Variants in TCERG1L observed in about 807,000 individuals in gnomAD.
TCERG1L encodes transcription elongation regulator 1 like.
In TCERG1L, 37 loss-of-function variants were observed where a neutral mutation model predicts 56.3. That is an observed-to-expected ratio of 0.66 (90% CI 0.51 to 0.87). The LOEUF (loss-of-function observed/expected upper bound fraction) is 0.87. Ranked by LOEUF, TCERG1L falls within the 40% of genes least tolerant of loss-of-function variation. TCERG1L has a pLI of 0.00. For missense variants in TCERG1L, 799 were observed against 774.2 expected, an observed-to-expected ratio of 1.03 and a Z score of -0.38; for synonymous variants, 324 against 326.3, an observed-to-expected ratio of 0.99 and a Z score of 0.08.
chr10:131,093,394 G>C, intron 11 of TCERG1L, 76 bp from the exon 12 acceptor site: 2 of 1,533,034 alleles, frequency 1.3e-6, no homozygotes, highest in Non-Finnish European at 1.8e-6. Flanking sequence ...CAGCGGCACC[G>C]CCTGAGCAAG....
At chr10:131,167,560 G>T (rs1846045482) in intron 4 of TCERG1L, among the ~76,000 whole-genome samples, 1 of 152,230 alleles carries the variant, frequency 6.6e-6, no homozygotes, top group Non-Finnish European at 1.5e-5. Context: ...TTCCCAAGAA[G>T]GACAAAGGGC....
At chr10:131,152,371 G>T (rs10829925) in intron 6 of TCERG1L, among the ~76,000 whole-genome samples, 30,733 of 152,078 alleles carry the variant, frequency 0.2, 3,471 homozygotes, top group East Asian at 0.35. Context: ...CTAAAGCATA[G>T]CAAAAGTGGC....
chr10:131,292,286 C>T (rs72849468), intron 3 of TCERG1L, among the ~76,000 whole-genome samples: 4,328 of 152,204 alleles, frequency 0.028, 102 homozygotes, highest in Non-Finnish European at 0.043. Flanking sequence ...TTTTATCAAA[C>T]GATGCATCTT....
intron 11 of TCERG1L, 69 bp from the exon 12 acceptor site, chr10:131,093,387 C>G: frequency 6.4e-7 from 1 of 1,558,242 alleles, no homozygotes; most frequent in Non-Finnish European, 8.7e-7. Flanking sequence ...GATCCTGCAG[C>G]GGCACCGCCT....
rs569577164 is a variant in TCERG1L, at chr10:131,191,886, A to G, written c.857-25001T>C. ...TCTCAAAAAAAAAAAAAAAAAAAAA[A>G]AAAGAAAAAAAGAAAAAGACCTGAA... On this transcript the variant is annotated intron_variant, in intron 4 of 11. Transcript: ENST00000368642. Among the ~76,000 whole-genome samples the G allele has an allele frequency of 2.9e-3, 394 of 136,536 alleles. 4 individuals are homozygous for G. The South Asian group carries it at 0.033, about 11-fold the overall frequency. 89.6% of individuals were successfully genotyped at this position (136,536 alleles called of 152,430 possible).
At chr10:131,300,570 T>C (rs1296613705) in intron 3 of TCERG1L, among the ~76,000 whole-genome samples, 1 of 152,204 alleles carries the variant, frequency 6.6e-6, no homozygotes, top group Non-Finnish European at 1.5e-5. Flanking sequence ...GACTTTCTTA[T>C]ATTTTTATAT....
At chr10:131,210,500 T>A (rs1208360099) in intron 4 of TCERG1L, among the ~76,000 whole-genome samples, 1 of 152,198 alleles carries the variant, frequency 6.6e-6, no homozygotes, top group East Asian at 1.9e-4. Flanking sequence ...AATACCAAGG[T>A]GAAAATAAAA....
chr10:131,241,142 T>C (rs1366879542), intron 4 of TCERG1L, among the ~76,000 whole-genome samples: 1 of 151,890 alleles, frequency 6.6e-6, no homozygotes, highest in Non-Finnish European at 1.5e-5. Flanking sequence ...AACAAGACAG[T>C]GTGGATCCGG....
At chr10:131,309,409 G>T in intron 1 of TCERG1L, 110 bp from the exon 2 acceptor site, 1 of 1,373,376 alleles carries the variant, frequency 7.3e-7, no homozygotes. Flanking sequence ...CAAAATGTAT[G>T]TATTTGATTA....
At chr10:131,198,035 A>G (rs908841988) in intron 4 of TCERG1L, among the ~76,000 whole-genome samples, 1 of 123,118 alleles carries the variant, frequency 8.1e-6, no homozygotes, top group Non-Finnish European at 1.9e-5. Flanking sequence ...ATCTATGCTC[A>G]GAATTGCTGT....
At chr10:131,301,184 C>T (rs940950661) in intron 3 of TCERG1L, among the ~76,000 whole-genome samples, 1 of 151,916 alleles carries the variant, frequency 6.6e-6, no homozygotes, top group African/African-American at 2.4e-5. Context: ...AATTTCAGTC[C>T]TAGGTAACTT....
chr10:131,218,969 G>A (rs11017825), intron 4 of TCERG1L, among the ~76,000 whole-genome samples: 38,532 of 151,924 alleles, frequency 0.25, 5,030 homozygotes, highest in Middle Eastern at 0.29. Context: ...CATCCCTCCT[G>A]CCTTAGCCAG....
intron 11 of TCERG1L, among the ~76,000 whole-genome samples, chr10:131,095,018 C>T (rs1683638661): frequency 1.3e-5 from 2 of 152,244 alleles, no homozygotes; most frequent in Non-Finnish European, 2.9e-5. Context: ...AACCGGCTTT[C>T]TGCTGATGCT....
chr10:131,142,463 G>T (rs1354927741), intron 7 of TCERG1L, among the ~76,000 whole-genome samples: 1 of 152,198 alleles, frequency 6.6e-6, no homozygotes, highest in Admixed American at 6.5e-5. Flanking sequence ...CATCCTACTT[G>T]GTGAAATGAA....
At chr10:131,183,437 AG>A (rs1845202526) in intron 4 of TCERG1L, among the ~76,000 whole-genome samples, 1 of 152,184 alleles carries the variant, frequency 6.6e-6, no homozygotes, top group African/African-American at 2.4e-5. Flanking sequence ...CAAATGGGCC[AG>A]CCTTTGTCAA....
intron 4 of TCERG1L, among the ~76,000 whole-genome samples, chr10:131,195,979 C>A (rs1467437296): frequency 6.6e-6 from 1 of 152,222 alleles, no homozygotes; most frequent in African/African-American, 2.4e-5. Context: ...GCGGGGCTGG[C>A]ACTGAGTGGA....
intron 3 of TCERG1L, among the ~76,000 whole-genome samples, chr10:131,281,397 T>C (rs1430538873): frequency 6.6e-6 from 1 of 150,772 alleles, no homozygotes; most frequent in African/African-American, 2.4e-5. Flanking sequence ...TCAAGGTCCA[T>C]CTCCAAATTA....
At chr10:131,102,520 AT>A (rs1465622364) in intron 10 of TCERG1L, among the ~76,000 whole-genome samples, 1 of 152,016 alleles carries the variant, frequency 6.6e-6, no homozygotes, top group Non-Finnish European at 1.5e-5. Flanking sequence ...TAAAATGGCA[AT>A]TCCCATACCC....
chr10:131,198,611 C>G (rs1478518559), intron 4 of TCERG1L, among the ~76,000 whole-genome samples: 1 of 152,260 alleles, frequency 6.6e-6, no homozygotes, highest in African/African-American at 2.4e-5. Flanking sequence ...TCCCATGCAG[C>G]GGTGCTGGAG....
Sources: gnomAD v4.1 joint callset for allele counts (sites outside exome capture counted in the v4.1 genomes callset) on GRCh38, gnomAD v4.1.1 for gene constraint, MANE v1.5 for transcripts, NCBI Gene and HGNC (gene_info 2026-07-23, HGNC 2026-07-21) for gene names.